KDM2B: variants seen among roughly 807,000 people sequenced by gnomAD.
The protein encoded by KDM2B is lysine-specific demethylase 2B.
KDM2B carries 26 observed loss-of-function variants against 150.0 expected under a neutral mutation model. The ratio of observed to expected loss-of-function variants is 0.17; its 90% CI spans 0.13 to 0.24. The LOEUF (loss-of-function observed/expected upper bound fraction) is 0.24, where lower values mean the gene tolerates loss of function less well. Ranked by LOEUF, KDM2B falls within the 10% of genes least tolerant of loss-of-function variation. The pLI is 1.00. For synonymous variants in KDM2B, 734 were observed against 729.5 expected (o/e 1.01, Z -0.10); for missense variants, 1,265 against 1,816.9 (o/e 0.70, Z 5.52).
At chr12:121,545,263 C>G (rs76771647) in intron 6 of KDM2B, among the ~76,000 whole-genome samples, 3 of 152,054 alleles carry the variant, frequency 2.0e-5, no homozygotes, top group Admixed American at 1.3e-4. Context: ...TAACGAGGTT[C>G]GAATCCTCTA....
Position 121,453,318 on chromosome 12 carries a change from C to T in KDM2B, c.1761G>A (p.Gly587=). Residue 587 remains glycine, a synonymous_variant, in exon 13 of 23, where the codon GGG becomes GGA. Transcript: ENST00000377071. This position sits in a 1 kb window ranked among gnomAD's most constrained non-coding sequence, Gnocchi z 6.4. ...PKNRAVGRPK[G]KLGPASAVKL... is the part of the protein sequence containing the mutation. ...TCACCGCGGAGGCCGGGCCCAGCTT[C>T]CCCTTGGGCCGACCCACAGCCCGGT... is the stretch of plus-strand genomic sequence containing the variant. The T allele has an allele frequency of 6.3e-7, 1 of 1,589,442 alleles. No homozygotes were observed. The highest frequency in any genetic ancestry group is 8.6e-7 in the Non-Finnish European group (1 of 1,167,814).
chr12:121,560,204 G>A (rs1423226981), intron 4 of KDM2B, among the ~76,000 whole-genome samples: 5 of 151,782 alleles, frequency 3.3e-5, no homozygotes, highest in Non-Finnish European at 7.4e-5. Context: ...GTTTCACTCT[G>A]TTTGAGACCA....
chr12:121,463,858 G>A (rs1238351653), intron 12 of KDM2B, among the ~76,000 whole-genome samples: 1 of 151,948 alleles, frequency 6.6e-6, no homozygotes, highest in African/African-American at 2.4e-5. Flanking sequence ...GGGATAACCG[G>A]CATGAGCCAC....
At chr12:121,516,891 GAA>G in intron 9 of KDM2B, 115 of 492,208 alleles carry the variant, frequency 2.3e-4, no homozygotes, top group Admixed American at 5.9e-4. Context: ...AAAATCAATG[GAA>G]AAAAAAAAAA....
chr12:121,541,012 C>G (rs1888565183), intron 6 of KDM2B, among the ~76,000 whole-genome samples: 1 of 151,972 alleles, frequency 6.6e-6, no homozygotes, highest in South Asian at 2.1e-4. Flanking sequence ...GCGGGTGGAT[C>G]ACCTGAGGTT....
At chr12:121,413,415 C>CTTTTTTTT in the KDM2B span, among the ~76,000 whole-genome samples, 2 of 130,694 alleles carry the variant, frequency 1.5e-5, no homozygotes, top group African/African-American at 3.2e-5. Flanking sequence ...TTTACCTGTC[C>CTTTTTTTT]TTTTTTTTTT....
At chr12:121,456,406 A>G (rs781942021) in intron 12 of KDM2B, among the ~76,000 whole-genome samples, 1 of 152,072 alleles carries the variant, frequency 6.6e-6, no homozygotes, top group Non-Finnish European at 1.5e-5. Context: ...ACCCCTCCAA[A>G]CGACAGGTGC....
chr12:121,490,091 G>A (rs1883192561), intron 12 of KDM2B, among the ~76,000 whole-genome samples: 2 of 152,222 alleles, frequency 1.3e-5, no homozygotes, highest in South Asian at 4.1e-4. Flanking sequence ...GGGAAAGGCT[G>A]TGTGTCACTC....
intron 12 of KDM2B, among the ~76,000 whole-genome samples, chr12:121,489,606 A>T (rs1017438587): frequency 6.6e-6 from 1 of 151,912 alleles, no homozygotes; most frequent in African/African-American, 2.4e-5. Flanking sequence ...TATCTGGCTA[A>T]TTTTTGTATT....
At chr12:121,455,838 G>A (rs1231847986) in intron 12 of KDM2B, among the ~76,000 whole-genome samples, 3 of 152,214 alleles carry the variant, frequency 2.0e-5, no homozygotes, top group South Asian at 2.1e-4. Flanking sequence ...TCCGAGTCAC[G>A]TCTGGCTGCC....
rs1555288955 is a variant in KDM2B, at chr12:121,442,882, G to A, written c.2605-46C>T. 3 of 1,539,468 alleles carry A rather than the reference G, an allele frequency of 1.9e-6. No homozygotes were observed. The highest frequency in any genetic ancestry group is 1.2e-5 in the South Asian group (1 of 80,602). On this transcript the variant is annotated intron_variant, in intron 18 of 22. Coordinates refer to ENST00000377071, the MANE Select transcript of KDM2B (RefSeq NM_032590.5). The surrounding 1 kb of genome is among the most constrained non-coding windows in gnomAD (Gnocchi z 7.7). ...GCGTCAGCCTCTGGGGCTCAGGGCT[G>A]CGCCCGCCCAAGGCCTCCCGCCCCC...
In KDM2B at chr12:121,580,912, G is replaced by C; in HGVS notation, c.-1C>G. ...ATCCCCCCATTTGCGGACCCGCCATGTGGAGGAGGCATTTGGGGGGCTCAG... is the reference window on the plus strand; with the variant it reads ...ATCCCCCCATTTGCGGACCCGCCATCTGGAGGAGGCATTTGGGGGGCTCAG... On this transcript the variant is annotated 5_prime_UTR_variant, in exon 1 of 23. Transcript: ENST00000377071. 2 of 1,613,666 alleles carry C rather than the reference G, an allele frequency of 1.2e-6. No individual in the cohort carries two copies. The highest frequency in any genetic ancestry group is 1.7e-6 in the Non-Finnish European group (2 of 1,179,840).
In KDM2B at chr12:121,442,929, G is replaced by A; in HGVS notation, c.2604+63C>T. The A allele has an allele frequency of 1.3e-6, 2 of 1,593,766 alleles. No individual in the cohort carries two copies. Among genetic ancestry groups the A allele is most frequent in the Admixed American group, 1.8e-5 (1 of 56,494 alleles). ...CCCCCTGCCACGGGACTGTGGCCCA[G>A]GGAGCTGCGGTGCAGCTCTAACCGC... On this transcript the variant is annotated intron_variant, in intron 18 of 22. Transcript: ENST00000377071. The surrounding 1 kb of genome is among the most constrained non-coding windows in gnomAD (Gnocchi z 7.7).
In KDM2B at chr12:121,467,346, G is replaced by T; in HGVS notation, c.1735-14002C>A. 3 of 981,750 alleles carry T rather than the reference G, an allele frequency of 3.1e-6. No individual in the cohort carries two copies. In the South Asian group the frequency reaches 1.4e-4, roughly 45 times the overall value. The allele number at this position is 981,750 out of a possible 1,614,324, so 60.8% of individuals were successfully genotyped here. A position where few individuals can be genotyped will look rare whatever the true frequency, so the allele number is the denominator to read the frequency against. On this transcript the variant is annotated intron_variant, in intron 12 of 22. Transcript: ENST00000377071. The surrounding 1 kb of genome is among the most constrained non-coding windows in gnomAD (Gnocchi z 5.1). ...CTCGGGCTCCCGCTGCCGCGAGGAG[G>T]GAGCCGCGCCGCGCGCCTCGCACGC... is the stretch of plus-strand genomic sequence containing the variant.
chr12:121,513,296 T>G lies in KDM2B; in HGVS notation c.1154A>C (p.Gln385Pro), dbSNP rs1555304313. 1 of 1,613,402 alleles carries G rather than the reference T, an allele frequency of 6.2e-7. No homozygotes were observed. Among genetic ancestry groups the G allele is most frequent in the African/African-American group, 1.3e-5 (1 of 74,926 alleles). Residue 385 changes from glutamine (Q) to proline (P), a missense_variant, in exon 10 of 23, where the codon CAG (glutamine) becomes CCG (proline). Transcript: ENST00000377071. The surrounding 1 kb of genome is among the most constrained non-coding windows in gnomAD (Gnocchi z 5.0). ...TQRSHLTQEY[Q>P]RESMLIDAPR... ...CTCACCAATAAGCATCGACTCCCTCTGGTATTCCTGAGTGAGGTGGGAGCG... is the reference window on the plus strand; with the variant it reads ...CTCACCAATAAGCATCGACTCCCTCGGGTATTCCTGAGTGAGGTGGGAGCG...
the KDM2B span, among the ~76,000 whole-genome samples, chr12:121,408,945 G>T: frequency 1.3e-5 from 2 of 151,944 alleles, no homozygotes; most frequent in African/African-American, 4.8e-5. Context: ...ATTCATTGAA[G>T]AATCAGATTG....
intron 12 of KDM2B, among the ~76,000 whole-genome samples, chr12:121,481,599 A>C (rs1882147965): frequency 6.6e-6 from 1 of 152,122 alleles, no homozygotes; most frequent in Non-Finnish European, 1.5e-5. Flanking sequence ...GTCCTCCTTT[A>C]ATGTGGGAAA....
At position 121,575,277 on chromosome 12, in the gene KDM2B, A is replaced by G. The variant is rs916704735; in HGVS notation, c.350+504T>C. Among the ~76,000 whole-genome samples, 4 of 152,178 alleles carry G rather than the reference A, an allele frequency of 2.6e-5. No homozygotes were observed. The highest frequency in any genetic ancestry group is 9.7e-5 in the African/African-American group (4 of 41,416). On this transcript the variant is annotated intron_variant, in intron 3 of 22. Transcript: ENST00000377071. This position sits in a 1 kb window ranked among gnomAD's most constrained non-coding sequence, Gnocchi z 4.4. ...CTCCCAGACCTCTCCCCCAACCTGG[A>G]GCTCTGACAGATCTCAGTGAATGAA... is the stretch of plus-strand genomic sequence containing the variant.
upstream of KDM2B, among the ~76,000 whole-genome samples, chr12:121,581,464 C>T (rs530639700): frequency 4.6e-5 from 7 of 152,286 alleles, 1 homozygote; most frequent in South Asian, 1.2e-3. Context: ...CAGCACTGGT[C>T]CTGGGTTGTC....
Sources: gnomAD v4.1 joint callset for allele counts (sites outside exome capture counted in the v4.1 genomes callset) on GRCh38, gnomAD v4.1.1 for gene constraint, Gnocchi (gnomAD v3.1) non-coding constraint, MANE v1.5 for transcripts, NCBI Gene and HGNC (gene_info 2026-07-23, HGNC 2026-07-21) for gene names.